Variants in PSEN2 observed in about 807,000 individuals in gnomAD.
The protein encoded by PSEN2 is presenilin-2.
In PSEN2, 32 loss-of-function variants were observed where a neutral mutation model predicts 49.1. The ratio of observed to expected loss-of-function variants is 0.65; its 90% CI spans 0.49 to 0.88. The LOEUF (loss-of-function observed/expected upper bound fraction) is 0.88, where lower values mean the gene tolerates loss of function less well. Among genes scored for constraint, PSEN2 ranks in the 40% least tolerant of loss-of-function variants. The pLI is 0.00. For synonymous variants in PSEN2, 255 were observed against 244.0 expected (o/e 1.05, Z -0.42); for missense variants, 522 against 586.9 (o/e 0.89, Z 1.14).
intron 4 of PSEN2, 144 bp downstream of exon 4, chr1:226,882,192 C>A: frequency 8.8e-7 from 1 of 1,139,120 alleles, no homozygotes; most frequent in Non-Finnish European, 1.2e-6. Context: ...GGGTGGCTGG[C>A]CATGATGGAC....
chr1:226,885,580 G>C lies in PSEN2; in HGVS notation c.399G>C (p.Gln133His), dbSNP rs746117072. ...PFTEDTPSVG[Q>H]RLLNSVLNTL... Reference sequence around the variant, plus strand: ...CTGAGGACACACCCTCGGTGGGCCAGCGCCTCCTCAACTCCGTGCTGAACA... The same window carrying C: ...CTGAGGACACACCCTCGGTGGGCCACCGCCTCCTCAACTCCGTGCTGAACA... Residue 133 changes from glutamine to histidine, a missense_variant, in exon 6 of 13, where the codon CAG becomes CAC. Gln to His is a conservative substitution (Grantham distance 24, BLOSUM62 0). Transcript: ENST00000366783. 2 of 1,613,746 alleles carry C rather than the reference G, an allele frequency of 1.2e-6. No homozygotes were observed. The highest frequency in any genetic ancestry group is 2.7e-5 in the African/African-American group (2 of 74,840).
chr1:226,884,004 T>C (rs1400009654), intron 5 of PSEN2, 85 bp downstream of exon 5: 2 of 1,179,700 alleles, frequency 1.7e-6, no homozygotes, highest in Non-Finnish European at 1.2e-6. Flanking sequence ...TGTTGGTCAC[T>C]GTACCTGCAG....
intron 2 of PSEN2, among the ~76,000 whole-genome samples, chr1:226,872,271 T>C (rs1472838453): frequency 1.3e-5 from 2 of 152,254 alleles, no homozygotes; most frequent in African/African-American, 4.8e-5. Context: ...ATGTTAATAA[T>C]GACATATATC....
At chr1:226,890,749 G>C in intron 9 of PSEN2, 1 of 190,618 alleles carries the variant, frequency 5.2e-6, no homozygotes, top group Non-Finnish European at 1.1e-5. Flanking sequence ...TGATGCCCTC[G>C]GTCTGTTGAT....
intron 8 of PSEN2, 116 bp downstream of exon 8, chr1:226,889,165 C>A: frequency 1.1e-6 from 1 of 947,286 alleles, no homozygotes; most frequent in Non-Finnish European, 1.6e-6. Context: ...TCTGCAGAGG[C>A]CTGGGTGGGA....
At chr1:226,879,387 T>G (rs1296698926) in intron 3 of PSEN2, among the ~76,000 whole-genome samples, 1 of 152,196 alleles carries the variant, frequency 6.6e-6, no homozygotes, top group Non-Finnish European at 1.5e-5. Flanking sequence ...CCCACACCTC[T>G]TCTGCAAAGG....
rs188598190 is a variant in PSEN2, at chr1:226,883,729, G to A, written c.166G>A (p.Gly56Ser). The A allele has an allele frequency of 1.2e-4, 200 of 1,614,128 alleles. No homozygotes were observed. Among genetic ancestry groups the A allele is most frequent in the East Asian group, 8.9e-4 (40 of 44,880 alleles). Reference sequence around the variant, plus strand: ...GAGAAGCCAGGAGAACGAGGAGGACGGTGAGGAGGACCCTGACCGCTATGT... The same window carrying A: ...GAGAAGCCAGGAGAACGAGGAGGACAGTGAGGAGGACCCTGACCGCTATGT... ...QWRSQENEED[G>S]EEDPDRYVCS... Residue 56 changes from glycine (G) to serine (S), a missense_variant, in exon 5 of 13, where the codon GGT becomes AGT. Gly to Ser is a moderately conservative substitution (Grantham distance 56, BLOSUM62 0). Transcript: ENST00000366783.
At chr1:226,894,172 A>G (rs199844009) in intron 12 of PSEN2, 47 bp downstream of exon 12, 2 of 1,437,918 alleles carry the variant, frequency 1.4e-6, no homozygotes, top group East Asian at 2.3e-5. Context: ...GGGGGCCCCC[A>G]GGGTCCTCAT....
chr1:226,890,000 G>T, intron 8 of PSEN2, 35 bp from the exon 9 acceptor site: 1 of 1,556,574 alleles, frequency 6.4e-7, no homozygotes, highest in Non-Finnish European at 8.9e-7. Flanking sequence ...GGGCTGCCCG[G>T]GGATAGTTTG....
intron 6 of PSEN2, among the ~76,000 whole-genome samples, chr1:226,885,910 C>T (rs994552853): frequency 1.3e-5 from 2 of 148,206 alleles, no homozygotes; most frequent in African/African-American, 4.9e-5. Flanking sequence ...CACTCCATTG[C>T]CCAGGCTGGA....
At chr1:226,873,855 T>C (rs1430873478) in intron 2 of PSEN2, among the ~76,000 whole-genome samples, 2 of 152,236 alleles carry the variant, frequency 1.3e-5, no homozygotes, top group African/African-American at 2.4e-5. Flanking sequence ...ATTTTCCTTT[T>C]ATTGAGTACT....
At chr1:226,900,441 A>G (rs1662280027), downstream of PSEN2, among the ~76,000 whole-genome samples, 3 of 152,356 alleles carry the variant, frequency 2.0e-5, no homozygotes, top group South Asian at 6.2e-4. Flanking sequence ...TATGCAAAGT[A>G]GAAGCATGCC....
In PSEN2 at chr1:226,883,716, G is replaced by A; in HGVS notation, c.153G>A (p.Glu51=). 6.2e-7 allele frequency: 1 copy of A among 1,614,056 alleles called. No individual in the cohort carries two copies. The highest frequency in any genetic ancestry group is 8.5e-7 in the Non-Finnish European group (1 of 1,180,026). The part of the protein sequence containing the change: ...GENTAQWRSQ[E]NEEDGEEDPD... ...GTGGTTTCCCACAGAGAAGCCAGGA[G>A]AACGAGGAGGACGGTGAGGAGGACC... The change falls in exon 5 of 13, where the codon GAG becomes GAA. Residue 51 remains glutamate, a synonymous_variant. Transcript: ENST00000366783.
intron 3 of PSEN2, 66 bp from the exon 4 acceptor site, chr1:226,881,822 C>A (rs1416320066): frequency 1.2e-6 from 2 of 1,602,454 alleles, no homozygotes; most frequent in East Asian, 2.2e-5. Context: ...CCAGCCACCC[C>A]CTGAGTCCTC....
intron 3 of PSEN2, chr1:226,880,786 G>A (rs1660939660): frequency 6.2e-7 from 1 of 1,607,756 alleles, no homozygotes; most frequent in Non-Finnish European, 8.5e-7. Flanking sequence ...GTTTTAGGGG[G>A]CAGGCTTCCC....
chr1:226,887,969 CGTAGGCATGAA>C, intron 6 of PSEN2, 111 bp from the exon 7 acceptor site: 1 of 834,010 alleles, frequency 1.2e-6, no homozygotes, highest in South Asian at 1.4e-5. Context: ...TCCCTTCCAG[CGTAGGCATGAA>C]GTAGCCTAAT....
chr1:226,887,497 C>T (rs917824066), intron 6 of PSEN2, among the ~76,000 whole-genome samples: 1 of 152,124 alleles, frequency 6.6e-6, no homozygotes, highest in Non-Finnish European at 1.5e-5. Flanking sequence ...CCTTCACTCT[C>T]CCATCCTTGG....
At chr1:226,873,126 G>A (rs946097103) in intron 2 of PSEN2, among the ~76,000 whole-genome samples, 42 of 151,650 alleles carry the variant, frequency 2.8e-4, no homozygotes, top group Non-Finnish European at 4.0e-4. Flanking sequence ...GCAGTGAGCC[G>A]AGATCGGGCC....
At chr1:226,885,441 C>A in intron 5 of PSEN2, 97 bp from the exon 6 acceptor site, 1 of 1,439,320 alleles carries the variant, frequency 6.9e-7, no homozygotes, top group Non-Finnish European at 9.5e-7. Context: ...CATGGGCATC[C>A]CAGGCACCTC....
Sources: allele counts gnomAD v4.1 joint callset (sites outside exome capture counted in the v4.1 genomes callset), GRCh38; gene constraint gnomAD v4.1.1; transcripts MANE v1.5; gene names NCBI Gene and HGNC (gene_info 2026-07-23, HGNC 2026-07-21).